The following R3HDM2 variants were observed in gnomAD, a reference collection of about 807,000 sequenced individuals.
The protein encoded by R3HDM2 is R3H domain-containing protein 2.
A neutral mutation model predicts 124.5 loss-of-function variants in R3HDM2; 38 were observed. That is an observed-to-expected ratio of 0.31 (90% CI 0.24 to 0.40). The LOEUF is 0.40. Among genes scored for constraint, R3HDM2 ranks in the 10% least tolerant of loss-of-function variants. The probability of loss-of-function intolerance (pLI) is 1.00; values close to 1 mark genes in which losing one functional copy is unlikely to be tolerated. For synonymous variants in R3HDM2, 391 were observed against 448.0 expected (o/e 0.87, Z 1.61); for missense variants, 869 against 1,236.9 (o/e 0.70, Z 4.46).
At chr12:57,426,938 T>C (rs987965991) in intron 1 of R3HDM2, among the ~76,000 whole-genome samples, 1 of 152,148 alleles carries the variant, frequency 6.6e-6, no homozygotes, top group African/African-American at 2.4e-5. Context: ...TCAATAAATC[T>C]GTTGTGCACT....
intron 19 of R3HDM2, 131 bp from the exon 20 acceptor site, chr12:57,259,190 G>T: frequency 1.1e-6 from 1 of 879,708 alleles, no homozygotes; most frequent in Non-Finnish European, 1.7e-6. Flanking sequence ...GTCTTGCCAG[G>T]AACCTGAGAT....
At chr12:57,293,234 C>T (rs1218732903) in intron 10 of R3HDM2, among the ~76,000 whole-genome samples, 1 of 152,016 alleles carries the variant, frequency 6.6e-6, no homozygotes, top group East Asian at 1.9e-4. Context: ...AAACTCAAAG[C>T]CTAAGCATTT....
intron 2 of R3HDM2, among the ~76,000 whole-genome samples, chr12:57,333,079 T>A (rs907007299): frequency 1.3e-5 from 2 of 152,200 alleles, no homozygotes; most frequent in African/African-American, 4.8e-5. Flanking sequence ...GAAATTTCTA[T>A]GAATGAATCA....
intron 1 of R3HDM2, among the ~76,000 whole-genome samples, chr12:57,426,053 C>A (rs1594683830): frequency 1.3e-5 from 2 of 152,056 alleles, no homozygotes; most frequent in East Asian, 3.9e-4. Flanking sequence ...CATGACAGAA[C>A]CCTGTATCTA....
intron 2 of R3HDM2, among the ~76,000 whole-genome samples, chr12:57,350,278 TAAC>T (rs1010379535): frequency 1.5e-4 from 23 of 151,978 alleles, no homozygotes; most frequent in Admixed American, 1.4e-3. Context: ...CCAACTTTAA[TAAC>T]AACAATAAAA....
At chr12:57,399,796 T>C (rs537428681) in intron 1 of R3HDM2, among the ~76,000 whole-genome samples, 7 of 152,178 alleles carry the variant, frequency 4.6e-5, no homozygotes, top group Non-Finnish European at 7.3e-5. Flanking sequence ...TGAAAGTTTT[T>C]AAAGTAAGCT....
intron 19 of R3HDM2, among the ~76,000 whole-genome samples, chr12:57,266,106 C>CTTT (rs74991749): frequency 9.0e-6 from 1 of 111,172 alleles, no homozygotes; most frequent in African/African-American, 3.4e-5. Flanking sequence ...CATAATTTTT[C>CTTT]TTTTTTTTTT....
chr12:57,294,526 G>T (rs1466399947), intron 10 of R3HDM2, among the ~76,000 whole-genome samples: 1 of 152,078 alleles, frequency 6.6e-6, no homozygotes, highest in Non-Finnish European at 1.5e-5. Flanking sequence ...AAAGGTCCTG[G>T]TCTCAAGACC....
At chr12:57,285,691 G>C (rs984839372) in intron 12 of R3HDM2, among the ~76,000 whole-genome samples, 4 of 152,204 alleles carry the variant, frequency 2.6e-5, no homozygotes, top group African/African-American at 9.6e-5. Flanking sequence ...CAATAAAAAT[G>C]AGTGTGTTTG....
intron 2 of R3HDM2, among the ~76,000 whole-genome samples, chr12:57,319,271 A>G (rs995304266): frequency 4.6e-5 from 7 of 152,082 alleles, no homozygotes; most frequent in Non-Finnish European, 1.0e-4. Flanking sequence ...CCTGACCTCA[A>G]GTAATCTGCC....
intron 21 of R3HDM2, among the ~76,000 whole-genome samples, chr12:57,257,093 A>G (rs1236384701): frequency 6.6e-6 from 1 of 152,226 alleles, no homozygotes; most frequent in East Asian, 1.9e-4. Context: ...TGCTGGGATT[A>G]CAAGCGTTAG....
chr12:57,361,578 G>C (rs2061972658), intron 2 of R3HDM2, among the ~76,000 whole-genome samples: 1 of 151,862 alleles, frequency 6.6e-6, no homozygotes, highest in Non-Finnish European at 1.5e-5. Context: ...CAAGTTTTCA[G>C]GAGGCTGAGG....
chr12:57,275,800 A>G (rs900657915), intron 14 of R3HDM2, among the ~76,000 whole-genome samples: 5 of 152,242 alleles, frequency 3.3e-5, no homozygotes, highest in Non-Finnish European at 5.9e-5. Context: ...GAATGGTCAT[A>G]ATCAAAAAAT....
intron 2 of R3HDM2, among the ~76,000 whole-genome samples, chr12:57,314,771 C>T (rs1467444469): frequency 6.6e-6 from 1 of 152,112 alleles, no homozygotes; most frequent in Non-Finnish European, 1.5e-5. Context: ...CATGATAGGC[C>T]TTCAGTATTT....
chr12:57,265,636 T>C (rs908249128), intron 19 of R3HDM2, among the ~76,000 whole-genome samples: 1 of 151,816 alleles, frequency 6.6e-6, no homozygotes, highest in African/African-American at 2.4e-5. Flanking sequence ...TCTTTTTTTT[T>C]CCCCCTAGAG....
chr12:57,377,574 T>C (rs532514303), intron 2 of R3HDM2, among the ~76,000 whole-genome samples: 1 of 152,232 alleles, frequency 6.6e-6, no homozygotes, highest in East Asian at 1.9e-4. Flanking sequence ...AGGAGACAGA[T>C]TTGAGCTTGA....
rs1251436685 is a variant in R3HDM2, at chr12:57,269,825, T to C, written c.1514A>G (p.Tyr505Cys). ...STGQPLPTSN[Y>C]STSSHAPPTQ... Reference sequence around the variant, plus strand: ...AGGTGGTGCATGGCTAGAGGTGGAATAGTTGGAAGTGGGGAGGGGCTGACC... The same window carrying C: ...AGGTGGTGCATGGCTAGAGGTGGAACAGTTGGAAGTGGGGAGGGGCTGACC... The change falls in exon 15 of 24, where the codon TAT (tyrosine) becomes TGT (cysteine). Residue 505 changes from tyrosine to cysteine, a missense_variant. This residue lies in a region of R3HDM2 where 602 missense variants were observed against 789.2 expected (regional missense o/e 0.76). Coordinates refer to ENST00000402412, the MANE Select transcript of R3HDM2 (RefSeq NM_001394031.1). The C allele has an allele frequency of 3.7e-6, 6 of 1,613,922 alleles. No individual in the cohort carries two copies. The highest frequency in any genetic ancestry group is 2.2e-5 in the South Asian group (2 of 91,090).
At chr12:57,392,797 T>C (rs1594391308) in intron 2 of R3HDM2, among the ~76,000 whole-genome samples, 1 of 148,972 alleles carries the variant, frequency 6.7e-6, no homozygotes, top group Non-Finnish European at 1.5e-5. Flanking sequence ...TTCAATTCTA[T>C]AGTACACTTT....
At chr12:57,339,374 A>AG (rs2059272589) in intron 2 of R3HDM2, among the ~76,000 whole-genome samples, 1 of 152,096 alleles carries the variant, frequency 6.6e-6, no homozygotes, top group Non-Finnish European at 1.5e-5. Flanking sequence ...TTTGAATTCC[A>AG]GGGGGCAAGC....
Sources: allele counts gnomAD v4.1 joint callset (sites outside exome capture counted in the v4.1 genomes callset), GRCh38; gene constraint gnomAD v4.1.1; regional missense constraint gnomAD v4.1.1; transcripts MANE v1.5; gene names NCBI Gene and HGNC (gene_info 2026-07-23, HGNC 2026-07-21).